CNTNAP3B: variants seen among roughly 807,000 people sequenced by gnomAD.
CNTNAP3B encodes contactin-associated protein-like 3B.
Under a neutral mutation model 108.9 loss-of-function variants are expected in CNTNAP3B, and 25 were observed. The ratio of observed to expected loss-of-function variants is 0.23; its 90% CI spans 0.17 to 0.32. The LOEUF is 0.32. Among genes scored for constraint, CNTNAP3B ranks in the 10% least tolerant of loss-of-function variants. The probability of loss-of-function intolerance (pLI) is 1.00; values close to 1 mark genes in which losing one functional copy is unlikely to be tolerated. For missense variants in CNTNAP3B, 252 were observed against 1,210.4 expected (o/e 0.21, Z 11.75); for synonymous variants, 103 against 473.4 (o/e 0.22, Z 10.16).
intron 3 of CNTNAP3B, among the ~76,000 whole-genome samples, chr9:42,018,609 G>C (rs1826253208): frequency 6.6e-6 from 1 of 151,456 alleles, no homozygotes; most frequent in South Asian, 2.1e-4. Flanking sequence ...GGCTGCCACA[G>C]AGCCCTCCCA....
chr9:41,968,801 C>CTTT (rs66468149), intron 10 of CNTNAP3B, among the ~76,000 whole-genome samples: 10 of 137,470 alleles, frequency 7.3e-5, no homozygotes, highest in African/African-American at 1.7e-4. Context: ...GCAGATATAA[C>CTTT]TTTTTTTTTT....
intron 2 of CNTNAP3B, among the ~76,000 whole-genome samples, chr9:42,096,259 G>T (rs28573306): frequency 2.2e-5 from 3 of 137,926 alleles, no homozygotes; most frequent in Non-Finnish European, 4.7e-5. Flanking sequence ...AGCCACCACC[G>T]GCAAGGCTCT....
chr9:41,941,115 G>A (rs1164017161), intron 13 of CNTNAP3B, among the ~76,000 whole-genome samples: 1 of 150,650 alleles, frequency 6.6e-6, no homozygotes, highest in Admixed American at 6.6e-5. Flanking sequence ...ATAGACATAA[G>A]GATTCCATAT....
rs574774840 is a variant in CNTNAP3B, at chr9:42,012,251, T to G, written c.538+1127A>C. Among the ~76,000 whole-genome samples, 10 of 119,200 alleles carry G rather than the reference T, an allele frequency of 8.4e-5. 3 individuals are homozygous for G. In the East Asian group the frequency reaches 2.9e-3, roughly 34 times the overall value. The allele number at this position is 119,200 out of a possible 152,430, so 78.2% of individuals were successfully genotyped here. A position where few individuals can be genotyped will look rare whatever the true frequency, so the allele number is the denominator to read the frequency against. On this transcript the variant is annotated intron_variant, in intron 4 of 23. Coordinates refer to ENST00000377561, the MANE Select transcript of CNTNAP3B (RefSeq NM_001201380.3). ...TTCTAAATATCAGACATCTTAGCCA[T>G]TGAAACAGAGAGCACAGTTATAGGT...
In CNTNAP3B at chr9:42,121,652, C is replaced by CT. The variant is rs1828464783; in HGVS notation, c.85+7357dup. 1.4e-5 allele frequency among the ~76,000 whole-genome samples: 2 copies of CT among 140,188 alleles called. 1 individual carries two copies. Among genetic ancestry groups the CT allele is most frequent in the Admixed American group, 1.4e-4 (2 of 14,122 alleles). 92.0% of individuals were successfully genotyped at this position (140,188 alleles called of 152,430 possible). A position where few individuals can be genotyped will look rare whatever the true frequency, so the allele number is the denominator to read the frequency against. ...AACTGTGACATCCAAAAAAGGAAAG[C>CT]TGCCCAATCTCTTCTCTAGAATGTG... On this transcript the variant is annotated intron_variant, in intron 1 of 23. Coordinates refer to ENST00000377561, the MANE Select transcript of CNTNAP3B (RefSeq NM_001201380.3).
At chr9:41,948,056 A>G (rs1351110193) in intron 13 of CNTNAP3B, among the ~76,000 whole-genome samples, 1 of 151,468 alleles carries the variant, frequency 6.6e-6, no homozygotes, top group Non-Finnish European at 1.5e-5. Flanking sequence ...CTTGGCCCAG[A>G]TGGTTTTATT....
intron 1 of CNTNAP3B, among the ~76,000 whole-genome samples, chr9:42,108,923 A>T (rs1184272017): frequency 1.4e-5 from 2 of 140,338 alleles, no homozygotes; most frequent in Non-Finnish European, 3.1e-5. Context: ...GAAGATTAAA[A>T]TTAGCCTAAG....
At chr9:42,086,398 A>ATT (rs71496358) in intron 2 of CNTNAP3B, among the ~76,000 whole-genome samples, 17 of 99,894 alleles carry the variant, frequency 1.7e-4, no homozygotes, top group Non-Finnish European at 2.7e-4. Context: ...ATATATATAA[A>ATT]TTTTTTTTAC....
intron 11 of CNTNAP3B, among the ~76,000 whole-genome samples, chr9:41,963,128 C>A (rs1825157416): frequency 6.6e-6 from 1 of 152,418 alleles, no homozygotes; most frequent in Admixed American, 6.5e-5. Context: ...GCGCAGAATT[C>A]TCATTGCATG....
rs1358075595 is a variant in CNTNAP3B, at chr9:42,118,708, T to C, written c.85+10302A>G. 3.5e-5 allele frequency among the ~76,000 whole-genome samples: 4 copies of C among 113,932 alleles called. 1 individual carries two copies. Among genetic ancestry groups the C allele is most frequent in the Non-Finnish European group, 3.6e-5 (2 of 55,296 alleles). 74.7% of individuals were successfully genotyped at this position (113,932 alleles called of 152,430 possible). A position where few individuals can be genotyped will look rare whatever the true frequency, so the allele number is the denominator to read the frequency against. ...AGGCAGGAGAAGGAAATAAAGGGCA[T>C]TCAATTAGGAAAAGAGGAAGTCAAA... On this transcript the variant is annotated intron_variant, in intron 1 of 23. Coordinates refer to ENST00000377561, the MANE Select transcript of CNTNAP3B (RefSeq NM_001201380.3).
At chr9:41,979,887 T>G (rs1430618351) in intron 9 of CNTNAP3B, 2 of 132,692 alleles carry the variant, frequency 1.5e-5, no homozygotes, top group East Asian at 2.6e-4. Context: ...CCACCTAAGA[T>G]ATATATATAT....
intron 2 of CNTNAP3B, among the ~76,000 whole-genome samples, chr9:42,093,511 A>G (rs1355121986): frequency 1.2e-5 from 1 of 86,920 alleles, no homozygotes; most frequent in Non-Finnish European, 2.4e-5. Context: ...TTTTATATGT[A>G]AAGTTCAGTA....
intron 3 of CNTNAP3B, among the ~76,000 whole-genome samples, chr9:42,041,843 C>T (rs904739057): frequency 2.1e-5 from 3 of 144,672 alleles, no homozygotes; most frequent in African/African-American, 8.0e-5. Context: ...ACCCAAATGT[C>T]CATCAATGAC....
At chr9:41,937,805 T>C (rs1824203550) in intron 14 of CNTNAP3B, among the ~76,000 whole-genome samples, 1 of 152,002 alleles carries the variant, frequency 6.6e-6, no homozygotes, top group African/African-American at 2.4e-5. Flanking sequence ...ATGCAGGACC[T>C]CTCAGAGTTT....
Position 42,127,781 on chromosome 9 carries a change from C to G in CNTNAP3B, c.85+1229G>C, listed in dbSNP as rs1478634176. ...AGGATTAACTGAGGCACAACTGAAT[C>G]ATGATGCACAGTGAGTGCATGAACC... On this transcript the variant is annotated intron_variant, in intron 1 of 23. Coordinates refer to ENST00000377561, the MANE Select transcript of CNTNAP3B (RefSeq NM_001201380.3). Among the ~76,000 whole-genome samples the G allele has an allele frequency of 2.2e-5, 3 of 139,458 alleles. 1 individual carries two copies. The East Asian group carries it at 6.5e-4, about 30-fold the overall frequency. The allele number at this position is 139,458 out of a possible 152,430, so 91.5% of individuals were successfully genotyped here.
At chr9:41,960,095 T>A (rs1279541998) in intron 12 of CNTNAP3B, 1 of 155,090 alleles carries the variant, frequency 6.4e-6, no homozygotes, top group African/African-American at 2.4e-5. Context: ...CCTCCCTGGT[T>A]CAAGGGATTC....
At chr9:41,958,603 C>T (rs1188142334) in intron 12 of CNTNAP3B, among the ~76,000 whole-genome samples, 286 of 151,504 alleles carry the variant, frequency 1.9e-3, no homozygotes, top group Non-Finnish European at 3.1e-3. Context: ...GTGACCTTCA[C>T]AAGAGCTTCT....
chr9:41,944,406 G>A (rs1824460842), intron 13 of CNTNAP3B, among the ~76,000 whole-genome samples: 1 of 150,864 alleles, frequency 6.6e-6, no homozygotes, highest in African/African-American at 2.4e-5. Context: ...TACAAAATAA[G>A]ACAGAAGGAT....
At chr9:41,935,817 A>C (rs1186557081) in intron 14 of CNTNAP3B, among the ~76,000 whole-genome samples, 1 of 152,386 alleles carries the variant, frequency 6.6e-6, no homozygotes, top group Non-Finnish European at 1.5e-5. Flanking sequence ...TCTCTCCTGA[A>C]TTTTTTTCCA....
Sources: allele counts gnomAD v4.1 joint callset (sites outside exome capture counted in the v4.1 genomes callset), GRCh38; gene constraint gnomAD v4.1.1; transcripts MANE v1.5; gene names NCBI Gene and HGNC (gene_info 2026-07-23, HGNC 2026-07-21).